Variants in PLCB1 observed in about 807,000 individuals in gnomAD.
PLCB1 encodes the protein 1-phosphatidylinositol 4,5-bisphosphate phosphodiesterase beta-1.
PLCB1 carries 46 observed loss-of-function variants against 161.8 expected under a neutral mutation model. The observed-to-expected ratio is 0.28, with a 90% CI of 0.22 to 0.36. The LOEUF (loss-of-function observed/expected upper bound fraction) is 0.36. PLCB1 is among the 10% of genes least tolerant of loss of function. The pLI, the probability that PLCB1 is intolerant of heterozygous loss-of-function variation, is 1.00. For missense variants in PLCB1, 1,016 were observed against 1,472.5 expected (o/e 0.69, Z 5.07); for synonymous variants, 517 against 503.7 (o/e 1.03, Z -0.35).
chr20:8,561,254 A>AAT (rs1986130345), intron 3 of PLCB1, among the ~76,000 whole-genome samples: 2 of 152,012 alleles, frequency 1.3e-5, no homozygotes, highest in South Asian at 4.1e-4. Flanking sequence ...AGTCTAAAGG[A>AAT]ATAGAACTAG....
chr20:8,539,521 G>A (rs1043498822), intron 3 of PLCB1, among the ~76,000 whole-genome samples: 20 of 152,050 alleles, frequency 1.3e-4, no homozygotes, highest in Non-Finnish European at 2.5e-4. Flanking sequence ...CTTTGAGGTC[G>A]GGAAATATTC....
chr20:8,656,510 T>C (rs900309824), intron 7 of PLCB1, among the ~76,000 whole-genome samples: 1 of 151,950 alleles, frequency 6.6e-6, no homozygotes, highest in Non-Finnish European at 1.5e-5. Flanking sequence ...ATGCTTCCGG[T>C]TTCCATGGCA....
At chr20:8,765,059 C>A in intron 25 of PLCB1, 80 bp from the exon 26 acceptor site, 1 of 1,079,756 alleles carries the variant, frequency 9.3e-7, no homozygotes, top group Non-Finnish European at 1.4e-6. Flanking sequence ...ACCATTTCTT[C>A]CTAAGAAGGT....
chr20:8,520,098 A>G (rs1371090044), intron 3 of PLCB1, among the ~76,000 whole-genome samples: 1 of 152,218 alleles, frequency 6.6e-6, no homozygotes, highest in East Asian at 1.9e-4. Flanking sequence ...TGACAGAATG[A>G]TAAGAAAAGT....
chr20:8,251,358 C>G (rs544555995), intron 2 of PLCB1, among the ~76,000 whole-genome samples: 17 of 152,038 alleles, frequency 1.1e-4, no homozygotes, highest in African/African-American at 3.4e-4. Flanking sequence ...AGGAGAAAAG[C>G]TTTATATCTG....
intron 2 of PLCB1, among the ~76,000 whole-genome samples, chr20:8,265,446 G>A (rs1981910005): frequency 6.6e-6 from 1 of 152,172 alleles, no homozygotes; most frequent in African/African-American, 2.4e-5. Context: ...CACTGATCAT[G>A]TCTAACTGAA....
At chr20:8,685,211 C>T (rs1444406412) in intron 10 of PLCB1, 133 bp downstream of exon 10, 1 of 809,706 alleles carries the variant, frequency 1.2e-6, no homozygotes, top group Non-Finnish European at 2.0e-6. Context: ...CTCTGGGGTT[C>T]CACCACTAAA....
intron 31 of PLCB1, among the ~76,000 whole-genome samples, chr20:8,842,890 C>A (rs1986561023): frequency 6.6e-6 from 1 of 152,140 alleles, no homozygotes; most frequent in Non-Finnish European, 1.5e-5. Context: ...CCTGTGGATT[C>A]CGTTTCTGCC....
chr20:8,421,247 C>T (rs1185482795), intron 3 of PLCB1, among the ~76,000 whole-genome samples: 1 of 152,170 alleles, frequency 6.6e-6, no homozygotes, highest in African/African-American at 2.4e-5. Context: ...CAATAAATTG[C>T]CAAGAGTGTA....
chr20:8,261,347 A>G (rs984516234), intron 2 of PLCB1, among the ~76,000 whole-genome samples: 2 of 152,142 alleles, frequency 1.3e-5, no homozygotes, highest in Non-Finnish European at 2.9e-5. Flanking sequence ...CAATCAGGTA[A>G]GAACCCCTCT....
intron 3 of PLCB1, among the ~76,000 whole-genome samples, chr20:8,549,454 C>T (rs751426667): frequency 2.6e-5 from 4 of 152,306 alleles, no homozygotes; most frequent in Non-Finnish European, 5.9e-5. Flanking sequence ...AAGTTTGGTT[C>T]TGTGTCCCCA....
At chr20:8,797,735 G>GCTC (rs1415916446) in intron 31 of PLCB1, among the ~76,000 whole-genome samples, 3 of 152,174 alleles carry the variant, frequency 2.0e-5, no homozygotes, top group Non-Finnish European at 4.4e-5. Flanking sequence ...TTGACTGTAG[G>GCTC]CTCCTCACCT....
At chr20:8,711,564 A>G (rs983758266) in intron 12 of PLCB1, among the ~76,000 whole-genome samples, 2 of 152,246 alleles carry the variant, frequency 1.3e-5, no homozygotes, top group African/African-American at 4.8e-5. Flanking sequence ...CACTGAGATA[A>G]TGTAATGGCA....
chr20:8,188,592 T>C (rs1416334098), intron 2 of PLCB1, among the ~76,000 whole-genome samples: 1 of 152,154 alleles, frequency 6.6e-6, no homozygotes, highest in Non-Finnish European at 1.5e-5. Flanking sequence ...TATTATGTGC[T>C]AATTCTTTCT....
intron 18 of PLCB1, 108 bp downstream of exon 18, chr20:8,729,282 A>C: frequency 9.3e-7 from 1 of 1,074,184 alleles, no homozygotes; most frequent in Non-Finnish European, 1.3e-6. Flanking sequence ...CACTGAAAAA[A>C]TAAATAAAAG....
At chr20:8,706,351 C>A (rs1425069971) in intron 11 of PLCB1, among the ~76,000 whole-genome samples, 1 of 152,116 alleles carries the variant, frequency 6.6e-6, no homozygotes, top group Non-Finnish European at 1.5e-5. Flanking sequence ...AAGGGGGAAG[C>A]AAATACGTGG....
chr20:8,629,908 C>A lies in PLCB1; in HGVS notation c.384+1477C>A, dbSNP rs1025908311. Among the ~76,000 whole-genome samples the A allele has an allele frequency of 4.5e-5, 6 of 134,804 alleles. 1 individual carries two copies. Among genetic ancestry groups the A allele is most frequent in the African/African-American group, 1.7e-4 (6 of 36,044 alleles). The allele number at this position is 134,804 out of a possible 152,430, so 88.4% of individuals were successfully genotyped here. A position where few individuals can be genotyped will look rare whatever the true frequency, so the allele number is the denominator to read the frequency against. On this transcript the variant is annotated intron_variant, in intron 4 of 31. Coordinates refer to ENST00000338037, the MANE Select transcript of PLCB1 (RefSeq NM_015192.4). ...CTCTTTCTTTTCTTTCTTTCTTTCT[C>A]TTTCCTTTCTTTCCTCTCTTCTTTC...
At chr20:8,565,957 C>A (rs569873296) in intron 3 of PLCB1, among the ~76,000 whole-genome samples, 7 of 152,096 alleles carry the variant, frequency 4.6e-5, no homozygotes, top group African/African-American at 7.2e-5. Context: ...ACCACAGCAG[C>A]GCTGGATTCC....
At chr20:8,338,418 G>C (rs930028181) in intron 2 of PLCB1, among the ~76,000 whole-genome samples, 17 of 151,976 alleles carry the variant, frequency 1.1e-4, no homozygotes, top group Non-Finnish European at 2.5e-4. Flanking sequence ...AAAGTGTTCT[G>C]GTACCAAGAT....
Sources: allele counts gnomAD v4.1 joint callset (sites outside exome capture counted in the v4.1 genomes callset), GRCh38; gene constraint gnomAD v4.1.1; transcripts MANE v1.5; gene names NCBI Gene and HGNC (gene_info 2026-07-23, HGNC 2026-07-21).